SHISA9: variants seen among roughly 807,000 people sequenced by gnomAD.
SHISA9 encodes shisa family member 9.
Under a neutral mutation model 38.0 loss-of-function variants are expected in SHISA9, and 13 were observed. That is an observed-to-expected ratio of 0.34 (90% confidence interval 0.22 to 0.54). The LOEUF (loss-of-function observed/expected upper bound fraction) is 0.54, where lower values mean the gene tolerates loss of function less well. Ranked by LOEUF, SHISA9 falls within the 20% of genes least tolerant of loss-of-function variation. SHISA9 has a pLI of 0.91. For missense variants in SHISA9, 538 were observed against 575.8 expected (o/e 0.93, Z 0.67); for synonymous variants, 275 against 242.0 (o/e 1.14, Z -1.27).
At chr16:13,275,917 T>A in the SHISA9 span, among the ~76,000 whole-genome samples, 150 of 151,956 alleles carry the variant, frequency 9.9e-4, 1 homozygote, top group Admixed American at 7.0e-3. Flanking sequence ...TTTTTATTTT[T>A]AAAAAAAATT....
chr16:12,983,244 G>A (rs1321293960), intron 2 of SHISA9, among the ~76,000 whole-genome samples: 1 of 152,190 alleles, frequency 6.6e-6, no homozygotes, highest in Non-Finnish European at 1.5e-5. Context: ...GCAGCGGGGA[G>A]TGGCTTGGAG....
intron 2 of SHISA9, among the ~76,000 whole-genome samples, chr16:13,013,781 G>A (rs2072707768): frequency 6.6e-6 from 1 of 151,960 alleles, no homozygotes; most frequent in Non-Finnish European, 1.5e-5. Context: ...AGGCTGGAGT[G>A]CAGTGGCGAG....
intron 2 of SHISA9, among the ~76,000 whole-genome samples, chr16:12,960,989 C>A (rs1412204023): frequency 6.6e-6 from 1 of 151,384 alleles, no homozygotes; most frequent in East Asian, 1.9e-4. Flanking sequence ...AAACAGCTAG[C>A]AGTGCAATCA....
the SHISA9 span, among the ~76,000 whole-genome samples, chr16:13,495,353 G>T: frequency 6.6e-6 from 1 of 152,042 alleles, no homozygotes; most frequent in Non-Finnish European, 1.5e-5. Context: ...AGGTGAAATA[G>T]ACATTAAACT....
the SHISA9 span, among the ~76,000 whole-genome samples, chr16:13,414,574 C>T: frequency 1.3e-5 from 2 of 151,636 alleles, no homozygotes; most frequent in Middle Eastern, 3.2e-3. Context: ...AGGAAGCGGA[C>T]ATGTAGGGGC....
At chr16:13,417,048 G>A in the SHISA9 span, among the ~76,000 whole-genome samples, 1 of 152,230 alleles carries the variant, frequency 6.6e-6, no homozygotes, top group Non-Finnish European at 1.5e-5. Context: ...AACAATTTAA[G>A]GAGCCACACA....
intron 3 of SHISA9, among the ~76,000 whole-genome samples, chr16:13,210,449 T>A (rs1567249840): frequency 1.3e-5 from 2 of 151,802 alleles, no homozygotes; most frequent in East Asian, 1.9e-4. Flanking sequence ...TTAATTTTAT[T>A]AAAAAAAAAT....
chr16:12,993,370 A>T (rs2072413920), intron 2 of SHISA9, among the ~76,000 whole-genome samples: 1 of 152,186 alleles, frequency 6.6e-6, no homozygotes, highest in Admixed American at 6.5e-5. Flanking sequence ...GGAAGTAGAT[A>T]CAACTGGATT....
chr16:13,138,310 G>T (rs921804309), intron 2 of SHISA9, among the ~76,000 whole-genome samples: 2 of 152,108 alleles, frequency 1.3e-5, no homozygotes, highest in Non-Finnish European at 2.9e-5. Flanking sequence ...TGAGACCAAT[G>T]GTCCAGGAAC....
chr16:13,196,088 A>T (rs2050936556), intron 2 of SHISA9, among the ~76,000 whole-genome samples: 1 of 37,766 alleles, frequency 2.6e-5, no homozygotes, highest in Non-Finnish European at 5.4e-5. Context: ...ACTCTCTCTC[A>T]AAAAAAAAAA....
intron 2 of SHISA9, among the ~76,000 whole-genome samples, chr16:13,007,396 T>A (rs1567179527): frequency 6.6e-6 from 1 of 152,084 alleles, no homozygotes; most frequent in African/African-American, 2.4e-5. Context: ...ATATCACACA[T>A]CTCCTACAGC....
At chr16:13,315,298 C>T in the SHISA9 span, among the ~76,000 whole-genome samples, 1 of 152,202 alleles carries the variant, frequency 6.6e-6, no homozygotes, top group Admixed American at 6.5e-5. Flanking sequence ...TCCTTACTTT[C>T]TAGAGTAATT....
At chr16:13,125,267 T>C (rs993609979) in intron 2 of SHISA9, among the ~76,000 whole-genome samples, 1 of 152,144 alleles carries the variant, frequency 6.6e-6, no homozygotes, top group Admixed American at 6.6e-5. Context: ...AACAACTCTA[T>C]AGGAATAAAA....
At chr16:13,257,503 C>A in the SHISA9 span, among the ~76,000 whole-genome samples, 1 of 152,192 alleles carries the variant, frequency 6.6e-6, no homozygotes, top group Non-Finnish European at 1.5e-5. Flanking sequence ...TCATCACCAC[C>A]ATCATCAGCT....
chr16:13,335,072 AT>A, the SHISA9 span, among the ~76,000 whole-genome samples: 1 of 152,200 alleles, frequency 6.6e-6, no homozygotes, highest in Non-Finnish European at 1.5e-5. Flanking sequence ...AATTAGTCCC[AT>A]GGGGGACACC....
At chr16:13,063,385 A>AC (rs1349500399) in intron 2 of SHISA9, among the ~76,000 whole-genome samples, 4 of 152,114 alleles carry the variant, frequency 2.6e-5, no homozygotes, top group African/African-American at 7.2e-5. Flanking sequence ...GAAAAAAAAA[A>AC]CAAAATCCAT....
Position 13,016,564 on chromosome 16 carries a change from T to TTTG in SHISA9, c.691+99770_691+99772dup, listed in dbSNP as rs759835697. ...GTCTTCAAGTTTTTGGTAGTGGTTT[T>TTTG]TTGTTGTTGTTGTTGTTGTTGTTTT... On this transcript the variant is annotated intron_variant, in intron 2 of 4. Transcript: ENST00000558583. Among the ~76,000 whole-genome samples, 50 of 152,112 alleles carry TTTG rather than the reference T, an allele frequency of 3.3e-4. 1 individual carries two copies. The highest frequency in any genetic ancestry group is 1.0e-3 in the South Asian group (5 of 4,816).
At chr16:13,093,993 C>A (rs1314998375) in intron 2 of SHISA9, among the ~76,000 whole-genome samples, 1 of 152,274 alleles carries the variant, frequency 6.6e-6, no homozygotes, top group Admixed American at 6.5e-5. Context: ...GCCACCCCCA[C>A]TGAAGGTAGG....
At chr16:13,041,927 T>C (rs2073136297) in intron 2 of SHISA9, among the ~76,000 whole-genome samples, 1 of 152,232 alleles carries the variant, frequency 6.6e-6, no homozygotes, top group Non-Finnish European at 1.5e-5. Context: ...CATCGAATCA[T>C]CAAAGTCTTG....
Sources: allele counts gnomAD v4.1 joint callset (sites outside exome capture counted in the v4.1 genomes callset), GRCh38; gene constraint gnomAD v4.1.1; transcripts MANE v1.5; gene names NCBI Gene and HGNC (gene_info 2026-07-23, HGNC 2026-07-21).